The following CFAP161 variants were observed in gnomAD, a reference collection of about 807,000 sequenced individuals.
CFAP161 encodes cilia and flagella associated protein 161.
Under a neutral mutation model 29.0 loss-of-function variants are expected in CFAP161, and 25 were observed. The ratio of observed to expected loss-of-function variants is 0.86; its 90% CI spans 0.63 to 1.20. The LOEUF is 1.20. Ranked by LOEUF, CFAP161 falls within the 50% of genes most tolerant of loss-of-function variation. The pLI is 0.00. For missense variants in CFAP161, 367 were observed against 371.9 expected, an observed-to-expected ratio of 0.99 and a Z score of 0.11; for synonymous variants, 116 against 137.4, an observed-to-expected ratio of 0.84 and a Z score of 1.09.
At chr15:81,104,633 G>T (rs566487538) in intron 1 of CFAP161, among the ~76,000 whole-genome samples, 3 of 152,176 alleles carry the variant, frequency 2.0e-5, no homozygotes, top group Non-Finnish European at 2.9e-5. Context: ...ATATATAAAA[G>T]AATTCTTTCC....
chr15:81,105,562 A>G (rs1191278603), intron 1 of CFAP161, among the ~76,000 whole-genome samples: 2 of 151,984 alleles, frequency 1.3e-5, no homozygotes, highest in African/African-American at 4.8e-5. Flanking sequence ...GTCAGTGGCC[A>G]CTGGAGAGGT....
chr15:81,133,217 A>G (rs1358999195), upstream of CFAP161, among the ~76,000 whole-genome samples: 243 of 30,138 alleles, frequency 8.1e-3, 13 homozygotes, highest in African/African-American at 0.024. Context: ...ATATATATAT[A>G]TATATATGTA....
At chr15:81,104,478 G>T (rs1453885340) in intron 1 of CFAP161, among the ~76,000 whole-genome samples, 1 of 152,192 alleles carries the variant, frequency 6.6e-6, no homozygotes, top group Non-Finnish European at 1.5e-5. Context: ...ATTCCACAAG[G>T]AGCTGCAAGG....
intron 1 of CFAP161, among the ~76,000 whole-genome samples, chr15:81,105,565 G>A (rs989850486): frequency 3.3e-5 from 5 of 151,938 alleles, no homozygotes; most frequent in Non-Finnish European, 7.4e-5. Flanking sequence ...AGTGGCCACT[G>A]GAGAGGTTGG....
chr15:81,112,382 C>T (rs1894449663), intron 1 of CFAP161, among the ~76,000 whole-genome samples: 1 of 152,154 alleles, frequency 6.6e-6, no homozygotes, highest in East Asian at 1.9e-4. Context: ...TCTTTCCTGC[C>T]AGATGTTTTA....
chr15:81,125,760 G>A (rs151109238), intron 1 of CFAP161, among the ~76,000 whole-genome samples: 173 of 152,218 alleles, frequency 1.1e-3, no homozygotes, highest in Non-Finnish European at 1.6e-3. Flanking sequence ...GTACATATCC[G>A]TAACACATCT....
At chr15:81,130,466 C>T (rs1002675915), upstream of CFAP161, among the ~76,000 whole-genome samples, 1 of 152,030 alleles carries the variant, frequency 6.6e-6, no homozygotes, top group Non-Finnish European at 1.5e-5. Context: ...TTTGGGAGGC[C>T]GAGGCAGGTG....
chr15:81,106,103 T>C (rs1011195206), intron 1 of CFAP161, among the ~76,000 whole-genome samples: 1 of 152,180 alleles, frequency 6.6e-6, no homozygotes, highest in Non-Finnish European at 1.5e-5. Context: ...CAGCTTAATC[T>C]GGGCTGGGGA....
intron 1 of CFAP161, among the ~76,000 whole-genome samples, chr15:81,125,946 T>C (rs1894635778): frequency 6.6e-6 from 1 of 152,232 alleles, no homozygotes; most frequent in Admixed American, 6.5e-5. Context: ...CTCAGCTTAC[T>C]GCAACCTCCG....
At chr15:81,138,344 C>A (rs1482866988) in intron 4 of CFAP161, among the ~76,000 whole-genome samples, 1 of 152,218 alleles carries the variant, frequency 6.6e-6, no homozygotes, top group Non-Finnish European at 1.5e-5. Context: ...AAACTACACC[C>A]TTAAAACCTA....
chr15:81,139,888 G>A (rs1894877303), intron 4 of CFAP161, among the ~76,000 whole-genome samples: 1 of 152,126 alleles, frequency 6.6e-6, no homozygotes, highest in Admixed American at 6.5e-5. Flanking sequence ...ATCATATACT[G>A]CTTCATTAAT....
chr15:81,144,784 C>CAA (rs57014546), intron 5 of CFAP161, among the ~76,000 whole-genome samples: 5,277 of 105,782 alleles, frequency 0.05, 247 homozygotes, highest in African/African-American at 0.12. Context: ...GACCGTGTCT[C>CAA]AAAAAAAAAA....
chr15:81,107,753 A>AAAAT (rs1567150527), intron 1 of CFAP161, among the ~76,000 whole-genome samples: 1 of 152,174 alleles, frequency 6.6e-6, no homozygotes, highest in African/African-American at 2.4e-5. Flanking sequence ...TAAAATAAAT[A>AAAAT]AACAGAGCTG....
intron 1 of CFAP161, among the ~76,000 whole-genome samples, chr15:81,109,823 G>T (rs1384765948): frequency 6.6e-6 from 1 of 152,138 alleles, no homozygotes; most frequent in Admixed American, 6.5e-5. Context: ...CTTCCAAATT[G>T]ATGTGGATGG....
intron 2 of CFAP161, among the ~76,000 whole-genome samples, chr15:81,128,457 T>C (rs1894668608): frequency 6.6e-6 from 1 of 152,238 alleles, no homozygotes; most frequent in Admixed American, 6.5e-5. Flanking sequence ...TACTTGTTCA[T>C]TCATAAGCAG....
intron 1 of CFAP161, among the ~76,000 whole-genome samples, chr15:81,122,089 C>G (rs1268640855): frequency 1.3e-5 from 2 of 152,158 alleles, no homozygotes; most frequent in African/African-American, 4.8e-5. Flanking sequence ...TGTGTATGTA[C>G]TACTTTTTCT....
chr15:81,111,502 A>G (rs1004707142), intron 1 of CFAP161, among the ~76,000 whole-genome samples: 22 of 152,332 alleles, frequency 1.4e-4, no homozygotes, highest in African/African-American at 5.1e-4. Context: ...TGTCTGCTTT[A>G]AATCCAGGCA....
At chr15:81,148,292 A>T (rs571550376) in intron 6 of CFAP161, 46 bp from the exon 7 acceptor site, 1 of 1,520,556 alleles carries the variant, frequency 6.6e-7, no homozygotes, top group African/African-American at 1.4e-5. Flanking sequence ...GCTTATTGAG[A>T]GTTGTTATTC....
chr15:81,099,947 G>A (rs369986528), intron 1 of CFAP161, among the ~76,000 whole-genome samples: 11 of 151,424 alleles, frequency 7.3e-5, no homozygotes, highest in Admixed American at 3.3e-4. Flanking sequence ...ATTAGCTTCC[G>A]TCCATTTGTT....
Sources: allele counts gnomAD v4.1 joint callset (sites outside exome capture counted in the v4.1 genomes callset), GRCh38; gene constraint gnomAD v4.1.1; transcripts MANE v1.5; gene names NCBI Gene and HGNC (gene_info 2026-07-23, HGNC 2026-07-21).